Variants in SLC39A11 observed in about 807,000 individuals in gnomAD.
SLC39A11 encodes solute carrier family 39 member 11, also known as zinc transporter ZIP11.
A neutral mutation model predicts 36.1 loss-of-function variants in SLC39A11; 33 were observed. That is an observed-to-expected ratio of 0.91 (90% CI 0.69 to 1.22). The LOEUF (loss-of-function observed/expected upper bound fraction) is 1.22. SLC39A11 is among the 50% of genes most tolerant of loss of function. The probability of loss-of-function intolerance (pLI) is 0.00; values close to 1 mark genes in which losing one functional copy is unlikely to be tolerated. For missense variants in SLC39A11, 432 were observed against 430.3 expected (o/e 1.00, Z -0.03); for synonymous variants, 166 against 170.3 (o/e 0.97, Z 0.20).
chr17:72,650,149 T>C (rs1209289623), intron 7 of SLC39A11, among the ~76,000 whole-genome samples: 1 of 152,204 alleles, frequency 6.6e-6, no homozygotes, highest in Admixed American at 6.5e-5. Context: ...AGCTTCTCCG[T>C]GGGCTCTGCA....
At chr17:72,948,003 C>A in intron 4 of SLC39A11, 128 bp from the exon 5 acceptor site, 6 of 1,217,534 alleles carry the variant, frequency 4.9e-6, no homozygotes, top group Non-Finnish European at 7.0e-6. Flanking sequence ...GCCAGTCCTC[C>A]GGCCAACCCA....
At chr17:72,849,825 A>C in intron 5 of SLC39A11, 21 bp from the exon 6 acceptor site, 1 of 1,498,532 alleles carries the variant, frequency 6.7e-7, no homozygotes, top group Non-Finnish European at 8.9e-7. Context: ...AAAAAAAAAA[A>C]GAGAGATGGG....
intron 7 of SLC39A11, among the ~76,000 whole-genome samples, chr17:72,733,614 G>A (rs968939188): frequency 6.6e-6 from 1 of 152,180 alleles, no homozygotes; most frequent in Non-Finnish European, 1.5e-5. Context: ...CTGGCCTCAT[G>A]CGGCCTTATT....
intron 3 of SLC39A11, among the ~76,000 whole-genome samples, chr17:73,057,842 C>T (rs1440598023): frequency 6.6e-6 from 1 of 152,130 alleles, no homozygotes; most frequent in East Asian, 1.9e-4. Flanking sequence ...GAGGCTGACG[C>T]ACAAGAATCG....
intron 3 of SLC39A11, among the ~76,000 whole-genome samples, chr17:73,060,210 CAAAAAAAAAAAA>C (rs33931672): frequency 1.4e-5 from 1 of 70,352 alleles, no homozygotes; most frequent in Non-Finnish European, 2.6e-5. Flanking sequence ...AACTCCATCT[CAAAAAAAAAAAA>C]AAAAAAAAGA....
At chr17:72,687,357 C>T (rs112249347) in intron 7 of SLC39A11, among the ~76,000 whole-genome samples, 18,033 of 152,184 alleles carry the variant, frequency 0.12, 1,124 homozygotes, top group Non-Finnish European at 0.14. Flanking sequence ...CCGGCTCCTG[C>T]CTCAGCCTCA....
chr17:72,996,741 A>G (rs71380154), intron 4 of SLC39A11, among the ~76,000 whole-genome samples: 6,030 of 152,262 alleles, frequency 0.04, 141 homozygotes, highest in African/African-American at 0.059. Context: ...AAGTAAAGTC[A>G]TGTTCCGAGG....
At chr17:72,878,196 C>T (rs929114455) in intron 5 of SLC39A11, among the ~76,000 whole-genome samples, 1 of 152,084 alleles carries the variant, frequency 6.6e-6, no homozygotes, top group Non-Finnish European at 1.5e-5. Flanking sequence ...ATATGTGCCA[C>T]ATTTTCTTAA....
intron 5 of SLC39A11, among the ~76,000 whole-genome samples, chr17:72,900,291 A>T (rs1203914651): frequency 2.6e-5 from 4 of 152,190 alleles, no homozygotes; most frequent in Admixed American, 2.6e-4. Flanking sequence ...CACTTCCCAG[A>T]GAGATACCAT....
In SLC39A11 at chr17:72,822,454, CT is replaced by C. The variant is rs567522546; in HGVS notation, c.601+27179del. ...TATGACATATAAGACTCCATTTGTA[CT>C]TTTGCTCCCAGCTCTGCAAATATTA... is the stretch of plus-strand genomic sequence containing the variant. On this transcript the variant is annotated intron_variant, in intron 6 of 9. Transcript: ENST00000255559. 1.4e-3 allele frequency among the ~76,000 whole-genome samples: 216 copies of C among 150,876 alleles called. 2 individuals carry two copies. Among genetic ancestry groups the C allele is most frequent in the African/African-American group, 4.8e-3 (198 of 41,400 alleles).
At chr17:72,663,211 A>G (rs1327642566) in intron 7 of SLC39A11, among the ~76,000 whole-genome samples, 1 of 152,232 alleles carries the variant, frequency 6.6e-6, no homozygotes, top group African/African-American at 2.4e-5. Context: ...TCTCCTTAAC[A>G]TATTTGAAAT....
At chr17:73,010,393 T>C (rs138450129) in intron 4 of SLC39A11, among the ~76,000 whole-genome samples, 2 of 152,318 alleles carry the variant, frequency 1.3e-5, no homozygotes, top group East Asian at 3.9e-4. Context: ...AGGAAGATAC[T>C]TGAATTATGG....
At chr17:73,086,950 G>A (rs1354098175) in intron 2 of SLC39A11, among the ~76,000 whole-genome samples, 2 of 152,070 alleles carry the variant, frequency 1.3e-5, no homozygotes, top group Non-Finnish European at 2.9e-5. Context: ...CAGCTACTCG[G>A]GAGGCTGAGG....
At chr17:72,907,934 TAG>T (rs143028736) in intron 5 of SLC39A11, among the ~76,000 whole-genome samples, 229 of 151,816 alleles carry the variant, frequency 1.5e-3, no homozygotes, top group African/African-American at 5.4e-3. Flanking sequence ...TGGGAAGGGG[TAG>T]AGTGTGTTGA....
At chr17:72,906,861 C>T (rs565249685) in intron 5 of SLC39A11, among the ~76,000 whole-genome samples, 2 of 152,306 alleles carry the variant, frequency 1.3e-5, no homozygotes, top group East Asian at 3.9e-4. Context: ...TTAAAGTGTA[C>T]GAGAACATGG....
At chr17:72,901,283 G>A (rs528863175) in intron 5 of SLC39A11, among the ~76,000 whole-genome samples, 29 of 152,190 alleles carry the variant, frequency 1.9e-4, no homozygotes, top group Non-Finnish European at 3.2e-4. Context: ...TTGACCCACA[G>A]GCCCCTGCTG....
intron 5 of SLC39A11, among the ~76,000 whole-genome samples, chr17:72,869,993 G>C (rs867066331): frequency 6.6e-6 from 1 of 151,556 alleles, no homozygotes; most frequent in Non-Finnish European, 1.5e-5. Flanking sequence ...GAATTAGATC[G>C]TATCCAGTTT....
intron 7 of SLC39A11, among the ~76,000 whole-genome samples, chr17:72,700,535 C>G (rs1352963402): frequency 6.6e-6 from 1 of 152,212 alleles, no homozygotes; most frequent in Non-Finnish European, 1.5e-5. Flanking sequence ...AGTCAGAATG[C>G]ACAGCCCTGC....
chr17:72,913,230 C>A (rs553683186), intron 5 of SLC39A11, among the ~76,000 whole-genome samples: 2 of 151,762 alleles, frequency 1.3e-5, no homozygotes, highest in African/African-American at 4.8e-5. Flanking sequence ...AAATGGGAAG[C>A]CTTGGGCATC....
Sources: allele counts gnomAD v4.1 joint callset (sites outside exome capture counted in the v4.1 genomes callset), GRCh38; gene constraint gnomAD v4.1.1; transcripts MANE v1.5; gene names NCBI Gene and HGNC (gene_info 2026-07-23, HGNC 2026-07-21).